ZNRF1: variants seen among roughly 807,000 people sequenced by gnomAD.
ZNRF1 encodes E3 ubiquitin-protein ligase ZNRF1.
In ZNRF1, 3 loss-of-function variants were observed where a neutral mutation model predicts 18.4. The observed-to-expected ratio is 0.16, with a 90% CI of 0.07 to 0.42. The LOEUF (loss-of-function observed/expected upper bound fraction) is 0.42. Among genes scored for constraint, ZNRF1 ranks in the 10% least tolerant of loss-of-function variants. ZNRF1 has a pLI of 0.99. For missense variants in ZNRF1, 310 were observed against 329.8 expected, an observed-to-expected ratio of 0.94 and a Z score of 0.47; for synonymous variants, 157 against 144.2, an observed-to-expected ratio of 1.09 and a Z score of -0.64.
chr16:75,084,228 C>T (rs2036048913), intron 1 of ZNRF1, among the ~76,000 whole-genome samples: 3 of 152,272 alleles, frequency 2.0e-5, no homozygotes, highest in Middle Eastern at 6.8e-3. Context: ...AGAGCAGGCA[C>T]ATGCAGTCAT....
chr16:75,092,896 CTG>C (rs1185478029), intron 1 of ZNRF1, among the ~76,000 whole-genome samples: 2 of 152,198 alleles, frequency 1.3e-5, no homozygotes, highest in Non-Finnish European at 2.9e-5. Context: ...GAATGTTAAA[CTG>C]TTATGCAAAG....
intron 1 of ZNRF1, among the ~76,000 whole-genome samples, chr16:75,067,555 T>G (rs2035821294): frequency 1.3e-5 from 2 of 152,314 alleles, no homozygotes; most frequent in South Asian, 2.1e-4. Context: ...AAAAGGGAAC[T>G]TTTAAGCTTC....
chr16:75,074,653 G>A (rs901785403), intron 1 of ZNRF1, among the ~76,000 whole-genome samples: 2 of 152,156 alleles, frequency 1.3e-5, no homozygotes, highest in African/African-American at 4.8e-5. Context: ...CCAAGACATG[G>A]ACACCTCAGG....
intron 1 of ZNRF1, among the ~76,000 whole-genome samples, chr16:75,023,596 A>G (rs1424637932): frequency 6.6e-6 from 1 of 152,070 alleles, no homozygotes; most frequent in East Asian, 1.9e-4. Flanking sequence ...AGGCAGGAGA[A>G]TCTCTTGAAC....
chr16:75,095,696 G>GCC, intron 2 of ZNRF1: 1 of 1,549,264 alleles, frequency 6.5e-7, no homozygotes, highest in Non-Finnish European at 8.7e-7. Flanking sequence ...GTGCTCTTGG[G>GCC]CCCCCATGGC....
Position 75,030,062 on chromosome 16 carries a change from C to CA in ZNRF1, c.424+29987dup, listed in dbSNP as rs34968109. Among the ~76,000 whole-genome samples, 742 of 97,552 alleles carry CA rather than the reference C, an allele frequency of 7.6e-3. 7 individuals carry two copies. Among genetic ancestry groups the CA allele is most frequent in the Admixed American group, 0.011 (103 of 9,330 alleles). 64.0% of individuals were successfully genotyped at this position (97,552 alleles called of 152,430 possible). A position where few individuals can be genotyped will look rare whatever the true frequency, so the allele number is the denominator to read the frequency against. On this transcript the variant is annotated intron_variant, in intron 1 of 4. Coordinates refer to ENST00000335325, the MANE Select transcript of ZNRF1 (RefSeq NM_032268.5). The stretch of plus-strand genomic sequence containing the variant: ...TTGGTGACAGAGCAAGATGCTATCT[C>CA]AAAAAAAAAAAAAAAAAAAACCTGT...
chr16:75,095,334 C>G (rs1222136906), intron 2 of ZNRF1, among the ~76,000 whole-genome samples: 2 of 152,120 alleles, frequency 1.3e-5, no homozygotes, highest in African/African-American at 4.8e-5. Context: ...TTCTCTAAGT[C>G]TGTTGTCACA....
chr16:75,010,411 A>T (rs1342911012), intron 1 of ZNRF1, among the ~76,000 whole-genome samples: 2 of 152,242 alleles, frequency 1.3e-5, no homozygotes, highest in Admixed American at 1.3e-4. Flanking sequence ...AATCTGTGTT[A>T]TATTTGAGTA....
At chr16:75,000,345 C>T (rs1349625879) in intron 1 of ZNRF1, 7 of 682,216 alleles carry the variant, frequency 1.0e-5, no homozygotes, top group Non-Finnish European at 1.9e-5. Context: ...CGAAGCCTAC[C>T]TATTGGAGTT....
intron 1 of ZNRF1, among the ~76,000 whole-genome samples, chr16:75,066,580 G>A (rs1024062908): frequency 5.3e-5 from 8 of 152,156 alleles, no homozygotes; most frequent in African/African-American, 1.7e-4. Context: ...TCAGGTTACC[G>A]CAACCTCCAC....
At chr16:75,071,894 CT>C (rs2035874953) in intron 1 of ZNRF1, among the ~76,000 whole-genome samples, 1 of 152,096 alleles carries the variant, frequency 6.6e-6, no homozygotes, top group African/African-American at 2.4e-5. Context: ...CTTTTCACCC[CT>C]GACTCCTGCA....
rs545324032 is a variant in ZNRF1, at chr16:75,008,369, G to A, written c.424+8274G>A. On this transcript the variant is annotated intron_variant, in intron 1 of 4. Transcript: ENST00000335325. Reference sequence around the variant, plus strand: ...AGAATTGAAGTTGCTCTGAACAGAAGGTAATGGTGTCAGTGTCGCCTTTCC... The same window carrying A: ...AGAATTGAAGTTGCTCTGAACAGAAAGTAATGGTGTCAGTGTCGCCTTTCC... Among the ~76,000 whole-genome samples the A allele has an allele frequency of 2.6e-5, 4 of 152,270 alleles. No homozygotes were observed. In the South Asian group the frequency reaches 8.3e-4, roughly 32 times the overall value.
chr16:75,020,596 C>G (rs371333843), intron 1 of ZNRF1, among the ~76,000 whole-genome samples: 4 of 151,724 alleles, frequency 2.6e-5, no homozygotes, highest in South Asian at 4.2e-4. Flanking sequence ...GGCTGGAGTT[C>G]AGTGGCGCGA....
chr16:75,053,513 T>C (rs898166329), intron 1 of ZNRF1, among the ~76,000 whole-genome samples: 1 of 142,460 alleles, frequency 7.0e-6, no homozygotes, highest in Non-Finnish European at 1.5e-5. Context: ...CGCTTGAACC[T>C]GGGAGGCGGA....
Position 75,108,166 on chromosome 16 carries a change from C to G in ZNRF1, c.*466C>G. ...CTGACGGCGGGCGAGCACACGGTCT[C>G]TTCCCCTGCCCCAACTGGCCCTCTC... On this transcript the variant is annotated 3_prime_UTR_variant, in exon 5 of 5. Coordinates refer to ENST00000335325, the MANE Select transcript of ZNRF1 (RefSeq NM_032268.5). 5.4e-6 allele frequency: 1 copy of G among 183,806 alleles called. No homozygotes were observed. Among genetic ancestry groups the G allele is most frequent in the Non-Finnish European group, 1.2e-5 (1 of 86,378 alleles). 11.4% of individuals were successfully genotyped at this position (183,806 alleles called of 1,614,324 possible).
chr16:75,002,249 C>T (rs992709198), intron 1 of ZNRF1: 9 of 152,190 alleles, frequency 5.9e-5, no homozygotes, highest in Admixed American at 2.0e-4. Context: ...TGAGATGAAT[C>T]TTCGTGTGCA....
rs2035757943 is a variant in ZNRF1 at position 75,062,664 on chromosome 16, G to A, written c.425-30908G>A. ...TCCTCAGTCTTTCATGACTTTGTGA[G>A]AGCCTCTGTACGTCAAGCCACTGTG... On this transcript the variant is annotated intron_variant, in intron 1 of 4. Coordinates refer to ENST00000335325, the MANE Select transcript of ZNRF1 (RefSeq NM_032268.5). Among the ~76,000 whole-genome samples the A allele has an allele frequency of 2.0e-5, 3 of 152,338 alleles. No homozygotes were observed. The South Asian group carries it at 6.2e-4, about 32-fold the overall frequency.
At position 75,003,078 on chromosome 16, in the gene ZNRF1, C is replaced by G. The variant is rs185422630; in HGVS notation, c.424+2983C>G. Among the ~76,000 whole-genome samples the G allele has an allele frequency of 1.2e-4, 19 of 152,292 alleles. No individual in the cohort carries two copies. The East Asian group carries it at 3.3e-3, about 26-fold the overall frequency. On this transcript the variant is annotated intron_variant, in intron 1 of 4. Transcript: ENST00000335325. ...AAGCAATTCTCCTGCCTCAGCCTCC[C>G]GAGTAGCTGGGATTACTGGCATGCG...
At chr16:75,073,723 G>C (rs1299957144) in intron 1 of ZNRF1, among the ~76,000 whole-genome samples, 2 of 151,998 alleles carry the variant, frequency 1.3e-5, no homozygotes, top group Non-Finnish European at 2.9e-5. Context: ...TCATGTACAT[G>C]CTCTGCGGGG....
Sources: gnomAD v4.1 joint callset for allele counts (sites outside exome capture counted in the v4.1 genomes callset) on GRCh38, gnomAD v4.1.1 for gene constraint, MANE v1.5 for transcripts, NCBI Gene and HGNC (gene_info 2026-07-23, HGNC 2026-07-21) for gene names.